Variants in ALKBH6 observed in about 807,000 individuals in gnomAD.
ALKBH6 encodes the protein probable RNA/DNA demethylase ALKBH6.
Under a neutral mutation model 25.1 loss-of-function variants are expected in ALKBH6, and 20 were observed. The observed-to-expected ratio is 0.80, with a 90% CI of 0.56 to 1.16. The LOEUF (loss-of-function observed/expected upper bound fraction) is 1.16, where lower values mean the gene tolerates loss of function less well. Ranked by LOEUF, ALKBH6 falls within the 50% of genes most tolerant of loss-of-function variation. The pLI is 0.00. For missense variants in ALKBH6, 263 were observed against 326.5 expected, an observed-to-expected ratio of 0.81 and a Z score of 1.50; for synonymous variants, 156 against 147.5, an observed-to-expected ratio of 1.06 and a Z score of -0.42.
At chr19:36,011,292 G>A in intron 4 of ALKBH6, 112 bp downstream of exon 4, 3 of 1,380,838 alleles carry the variant, frequency 2.2e-6, no homozygotes, top group Non-Finnish European at 3.0e-6. Flanking sequence ...CCTGGCTCTT[G>A]GGGCCCCTTG....
chr19:36,009,230 A>T lies in ALKBH6; in HGVS notation c.*60T>A. The T allele has an allele frequency of 7.9e-7, 1 of 1,261,446 alleles. No individual in the cohort carries two copies. The highest frequency in any genetic ancestry group is 1.0e-6 in the Non-Finnish European group (1 of 1,004,366). 78.1% of individuals were successfully genotyped at this position (1,261,446 alleles called of 1,614,324 possible). A position where few individuals can be genotyped will look rare whatever the true frequency, so the allele number is the denominator to read the frequency against. On this transcript the variant is annotated 3_prime_UTR_variant, in exon 7 of 7. Coordinates refer to ENST00000378875, the MANE Select transcript of ALKBH6 (RefSeq NM_032878.5). ...TTTGCCCACGGTTCCTAGGTCGCGG[A>T]GTCACAGCAGCCCCAAAGGGGCAGG...
rs766734277 is a variant in ALKBH6, at chr19:36,010,595, C to T, written c.425G>A (p.Arg142Gln). 1.9e-6 allele frequency: 3 copies of T among 1,613,924 alleles called. No homozygotes were observed. The highest frequency in any genetic ancestry group is 2.5e-6 in the Non-Finnish European group (3 of 1,179,906). ...HTVLDFYEPRRPEDDDPTEQP... is the reference protein window; with the variant it reads ...HTVLDFYEPRQPEDDDPTEQP... ...TTCTGTAGGGTCATCGTCCTCTGGC[C>T]GCCGCGGCTCGTAGAAGTCCAGCAC... Residue 142 changes from arginine to glutamine, a missense_variant, in exon 6 of 7, where the codon CGG (arginine) becomes CAG (glutamine). Around this residue, in one of 3 missense-constraint regions of ALKBH6, gnomAD observed 148 missense variants for 157.5 expected, o/e 0.94. Coordinates refer to ENST00000378875, the MANE Select transcript of ALKBH6 (RefSeq NM_032878.5). The surrounding 1 kb of genome is among the most constrained non-coding windows in gnomAD (Gnocchi z 5.5).
chr19:36,009,277 C>A lies in ALKBH6; in HGVS notation c.*13G>T. On this transcript the variant is annotated 3_prime_UTR_variant, in exon 7 of 7. Coordinates refer to ENST00000378875, the MANE Select transcript of ALKBH6 (RefSeq NM_032878.5). Reference sequence around the variant, plus strand: ...CAGGAACCTGGGAATCCGAGGGGTCCCGGCCCTGGCGGTCACTTGCCCAGC... The same window carrying A: ...CAGGAACCTGGGAATCCGAGGGGTCACGGCCCTGGCGGTCACTTGCCCAGC... 1 of 1,337,924 alleles carries A rather than the reference C, an allele frequency of 7.5e-7. No homozygotes were observed. Among genetic ancestry groups the A allele is most frequent in the Non-Finnish European group, 9.6e-7 (1 of 1,045,274 alleles). The allele number at this position is 1,337,924 out of a possible 1,614,324, so 82.9% of individuals were successfully genotyped here.
intron 3 of ALKBH6, 86 bp downstream of exon 3, chr19:36,012,935 G>T: frequency 2.2e-6 from 3 of 1,363,628 alleles, no homozygotes; most frequent in Non-Finnish European, 3.1e-6. Context: ...CTTCACTGCA[G>T]CCTTGGGGGC....
rs555929689 is a variant in ALKBH6, at chr19:36,013,849, C to G, written c.-26+326G>C. On this transcript the variant is annotated intron_variant, in intron 1 of 6. Transcript: ENST00000378875. The surrounding 1 kb of genome is among the most constrained non-coding windows in gnomAD (Gnocchi z 4.6). ...ATCAACACTCAGCGACCCCCGCCCC[C>G]CACCGAATCCCATTCTGTGCACTCC... 6.3e-4 allele frequency: 824 copies of G among 1,310,198 alleles called. 5 individuals are homozygous for G. In the Middle Eastern group the frequency reaches 0.013, roughly 21 times the overall value. 81.2% of individuals were successfully genotyped at this position (1,310,198 alleles called of 1,614,324 possible).
intron 4 of ALKBH6, 166 bp downstream of exon 4, chr19:36,011,238 A>C: frequency 8.9e-7 from 1 of 1,126,778 alleles, no homozygotes; most frequent in Non-Finnish European, 1.3e-6. Context: ...CTCATCAGGA[A>C]ATCCCTAATC....
At chr19:36,014,135 T>C (rs965756958) in intron 1 of ALKBH6, 40 bp downstream of exon 1, 16 of 1,610,128 alleles carry the variant, frequency 9.9e-6, no homozygotes, top group Middle Eastern at 1.6e-4. Flanking sequence ...TTCAGCCCTA[T>C]TGACATCCAT....
intron 3 of ALKBH6, chr19:36,012,324 A>G (rs971714574): frequency 6.6e-6 from 1 of 152,272 alleles, no homozygotes; most frequent in Non-Finnish European, 1.5e-5. Flanking sequence ...GATCCTAATG[A>G]TCTAGAATGG....
In ALKBH6 at chr19:36,010,541, A is replaced by G. The variant is rs201777512; in HGVS notation, c.453+26T>C. The G allele has an allele frequency of 1.3e-6, 2 of 1,594,016 alleles. No homozygotes were observed. Among genetic ancestry groups the G allele is most frequent in the African/African-American group, 1.3e-5 (1 of 74,460 alleles). On this transcript the variant is annotated intron_variant, in intron 6 of 6. Transcript: ENST00000378875. This position sits in a 1 kb window ranked among gnomAD's most constrained non-coding sequence, Gnocchi z 5.5. ...GTGCGAGGTTGAAGTGCCTACAAGC[A>G]GCTGGGGCAGTGTCTGGGGGCCCAC...
chr19:36,011,132 C>T (rs1002749180), intron 4 of ALKBH6, 87 bp from the exon 5 acceptor site: 2 of 1,505,864 alleles, frequency 1.3e-6, no homozygotes, highest in Non-Finnish European at 1.8e-6. Flanking sequence ...GCACCCTGAT[C>T]CTCTCAGGGA....
intron 6 of ALKBH6, 152 bp from the exon 7 acceptor site, chr19:36,009,705 G>A (rs777850880): frequency 8.7e-6 from 5 of 572,074 alleles, no homozygotes; most frequent in East Asian, 3.5e-5. Flanking sequence ...TGGTTCAGGA[G>A]TGAAAATTGC....
rs1430576923 is a variant in ALKBH6, at chr19:36,013,971, C to G, written c.-26+204G>C. Reference sequence around the variant, plus strand: ...CTCGGATTTCCCCTCCTGAGCGCCCCTTCACTCCAGCACCCTGAGATCTTT... The same window carrying G: ...CTCGGATTTCCCCTCCTGAGCGCCCGTTCACTCCAGCACCCTGAGATCTTT... On this transcript the variant is annotated intron_variant, in intron 1 of 6. Transcript: ENST00000378875. This position sits in a 1 kb window ranked among gnomAD's most constrained non-coding sequence, Gnocchi z 4.6. 2.2e-6 allele frequency: 3 copies of G among 1,387,170 alleles called. No homozygotes were observed. The highest frequency in any genetic ancestry group is 2.8e-6 in the Non-Finnish European group (3 of 1,076,050). 85.9% of individuals were successfully genotyped at this position (1,387,170 alleles called of 1,614,324 possible).
chr19:36,013,632 C>T lies in ALKBH6; in HGVS notation c.-25-210G>A. On this transcript the variant is annotated intron_variant, in intron 1 of 6. Coordinates refer to ENST00000378875, the MANE Select transcript of ALKBH6 (RefSeq NM_032878.5). This position sits in a 1 kb window ranked among gnomAD's most constrained non-coding sequence, Gnocchi z 4.6. Reference sequence around the variant, plus strand: ...CACAATGAGCCCCAAGAATAATCCCCCATTACTCTGTCCACTAAGGGCCCA... The same window carrying T: ...CACAATGAGCCCCAAGAATAATCCCTCATTACTCTGTCCACTAAGGGCCCA... 4 of 1,401,714 alleles carry T rather than the reference C, an allele frequency of 2.9e-6. No homozygotes were observed. The highest frequency in any genetic ancestry group is 3.7e-6 in the Non-Finnish European group (4 of 1,078,102). The allele number at this position is 1,401,714 out of a possible 1,614,324, so 86.8% of individuals were successfully genotyped here. A position where few individuals can be genotyped will look rare whatever the true frequency, so the allele number is the denominator to read the frequency against.
At chr19:36,014,037 CCATT>C (rs1968707328) in intron 1 of ALKBH6, 134 bp downstream of exon 1, 3 of 1,509,482 alleles carry the variant, frequency 2.0e-6, no homozygotes, top group Non-Finnish European at 2.6e-6. Context: ...CCTCCCTGAA[CCATT>C]CAGATCCCCG....
At chr19:36,012,904 C>A in intron 3 of ALKBH6, 117 bp downstream of exon 3, 1 of 999,704 alleles carries the variant, frequency 1.0e-6, no homozygotes, top group Non-Finnish European at 1.6e-6. Flanking sequence ...TCTGTAACTT[C>A]CTTGTTCCTT....
At position 36,009,362 on chromosome 19, in the gene ALKBH6, G is replaced by A. The variant is rs1314592538; in HGVS notation, c.645C>T (p.Arg215=). The part of the protein sequence containing the change: ...PSARPGACLV[R]GTRVSLTIRR... ...GGATGGTCAGCGAGACCCGGGTGCCGCGCACCAGGCAGGCTCCCGGCCGCG... is the reference window on the plus strand; with the variant it reads ...GGATGGTCAGCGAGACCCGGGTGCCACGCACCAGGCAGGCTCCCGGCCGCG... Residue 215 remains arginine (R), a synonymous_variant, in exon 7 of 7, where the codon CGC becomes CGT. Transcript: ENST00000378875. The A allele has an allele frequency of 1.5e-6, 2 of 1,292,662 alleles. No individual in the cohort carries two copies. The highest frequency in any genetic ancestry group is 3.1e-5 in the African/African-American group (2 of 64,822). The allele number at this position is 1,292,662 out of a possible 1,614,324, so 80.1% of individuals were successfully genotyped here.
Position 36,013,975 on chromosome 19 carries a change from A to C in ALKBH6, c.-26+200T>G. The C allele has an allele frequency of 7.3e-7, 1 of 1,378,534 alleles. No homozygotes were observed. Among genetic ancestry groups the C allele is most frequent in the East Asian group, 3.0e-5 (1 of 33,142 alleles). 85.4% of individuals were successfully genotyped at this position (1,378,534 alleles called of 1,614,324 possible). A position where few individuals can be genotyped will look rare whatever the true frequency, so the allele number is the denominator to read the frequency against. The stretch of plus-strand genomic sequence containing the variant: ...GATTTCCCCTCCTGAGCGCCCCTTC[A>C]CTCCAGCACCCTGAGATCTTTAGCT... On this transcript the variant is annotated intron_variant, in intron 1 of 6. Coordinates refer to ENST00000378875, the MANE Select transcript of ALKBH6 (RefSeq NM_032878.5). This position sits in a 1 kb window ranked among gnomAD's most constrained non-coding sequence, Gnocchi z 4.6.
At chr19:36,012,865 TG>T in intron 3 of ALKBH6, 155 bp downstream of exon 3, 1 of 724,610 alleles carries the variant, frequency 1.4e-6, no homozygotes, top group Non-Finnish European at 2.4e-6. Flanking sequence ...CTAGCAGGAT[TG>T]GGCTATCTCA....
At position 36,010,508 on chromosome 19, in the gene ALKBH6, T is replaced by C; in HGVS notation, c.453+59A>G. The C allele has an allele frequency of 7.0e-7, 1 of 1,436,678 alleles. No individual in the cohort carries two copies. 89.0% of individuals were successfully genotyped at this position (1,436,678 alleles called of 1,614,324 possible). ...GAAGGCATGTGGGACCAGGTCATCT[T>C]GGAGGATGTGCGAGGTTGAAGTGCC... is the stretch of plus-strand genomic sequence containing the variant. On this transcript the variant is annotated intron_variant, in intron 6 of 6. Transcript: ENST00000378875. The surrounding 1 kb of genome is among the most constrained non-coding windows in gnomAD (Gnocchi z 5.5).
Sources: gnomAD v4.1 joint callset for allele counts on GRCh38, gnomAD v4.1.1 for gene constraint, gnomAD v4.1.1 regional missense constraint, Gnocchi (gnomAD v3.1) non-coding constraint, MANE v1.5 for transcripts, NCBI Gene and HGNC (gene_info 2026-07-23, HGNC 2026-07-21) for gene names.